IKZF2: variants seen among roughly 807,000 people sequenced by gnomAD.
IKZF2 encodes the protein zinc finger protein Helios.
A neutral mutation model predicts 49.2 loss-of-function variants in IKZF2; 15 were observed. The ratio of observed to expected loss-of-function variants is 0.30; its 90% CI spans 0.20 to 0.47. The LOEUF (loss-of-function observed/expected upper bound fraction) is 0.47, where lower values mean the gene tolerates loss of function less well. Among genes scored for constraint, IKZF2 ranks in the 20% least tolerant of loss-of-function variants. The pLI, the probability that IKZF2 is intolerant of heterozygous loss-of-function variation, is 1.00. For synonymous variants in IKZF2, 227 were observed against 221.4 expected (o/e 1.03, Z -0.23); for missense variants, 567 against 664.6 (o/e 0.85, Z 1.61).
At chr2:213,066,860 G>C (rs1023820219) in intron 4 of IKZF2, among the ~76,000 whole-genome samples, 1 of 152,080 alleles carries the variant, frequency 6.6e-6, no homozygotes, top group Non-Finnish European at 1.5e-5. Flanking sequence ...GGAAATACCA[G>C]ATTATAACAT....
intron 4 of IKZF2, among the ~76,000 whole-genome samples, chr2:213,098,285 C>T (rs1706251627): frequency 6.6e-6 from 1 of 152,096 alleles, no homozygotes; most frequent in Non-Finnish European, 1.5e-5. Context: ...AGTAGAGCAA[C>T]TCGCAAAATG....
chr2:213,085,148 T>C (rs893339495), intron 4 of IKZF2, among the ~76,000 whole-genome samples: 3 of 152,232 alleles, frequency 2.0e-5, no homozygotes, highest in Admixed American at 2.0e-4. Context: ...TCTTTCTCTT[T>C]TAAAACACTT....
intron 4 of IKZF2, among the ~76,000 whole-genome samples, chr2:213,081,747 T>C (rs1703977752): frequency 6.6e-6 from 1 of 152,054 alleles, no homozygotes; most frequent in African/African-American, 2.4e-5. Context: ...GGCAAGAAAC[T>C]CAAGACCCTG....
intron 4 of IKZF2, among the ~76,000 whole-genome samples, chr2:213,106,892 A>G (rs1181840968): frequency 6.6e-6 from 1 of 152,154 alleles, no homozygotes; most frequent in Non-Finnish European, 1.5e-5. Flanking sequence ...TATCTCTCCA[A>G]TTCAGAGCAA....
intron 4 of IKZF2, among the ~76,000 whole-genome samples, chr2:213,083,679 AG>A (rs1704242462): frequency 6.6e-6 from 1 of 150,788 alleles, no homozygotes; most frequent in Non-Finnish European, 1.5e-5. Flanking sequence ...TAGGATTACA[AG>A]TGTGAAGCAC....
chr2:213,113,525 G>A (rs965547463), intron 4 of IKZF2, among the ~76,000 whole-genome samples: 2 of 152,072 alleles, frequency 1.3e-5, no homozygotes, highest in Admixed American at 6.6e-5. Context: ...AAAACAAATG[G>A]TATTAAAACC....
At chr2:213,142,899 A>T (rs1213156180) in intron 4 of IKZF2, among the ~76,000 whole-genome samples, 1 of 151,970 alleles carries the variant, frequency 6.6e-6, no homozygotes, top group East Asian at 1.9e-4. Context: ...GGTGATTATA[A>T]CATTTATAAT....
At chr2:213,096,584 A>C (rs1706025248) in intron 4 of IKZF2, among the ~76,000 whole-genome samples, 1 of 151,994 alleles carries the variant, frequency 6.6e-6, no homozygotes, top group Non-Finnish European at 1.5e-5. Flanking sequence ...TATATACTTC[A>C]GCTTATGGAA....
intron 4 of IKZF2, among the ~76,000 whole-genome samples, chr2:213,135,977 G>A (rs2060644815): frequency 6.6e-6 from 1 of 150,908 alleles, no homozygotes; most frequent in Non-Finnish European, 1.5e-5. Context: ...TTGAACCCAG[G>A]AGGCGGAGGT....
rs933790554 is a variant in IKZF2 at position 213,021,904 on chromosome 2, T to C, written c.712+89A>G. On this transcript the variant is annotated intron_variant, in intron 7 of 8. Transcript: ENST00000434687. ...TCATTTAAGTTAAAGTGATCTAAAA[T>C]AGTTTTAAACAGCATAAGATTTTAT... 30 of 1,347,158 alleles carry C rather than the reference T, an allele frequency of 2.2e-5. No individual in the cohort carries two copies. The African/African-American group carries it at 3.7e-4, about 17-fold the overall frequency. 83.5% of individuals were successfully genotyped at this position (1,347,158 alleles called of 1,614,324 possible). A position where few individuals can be genotyped will look rare whatever the true frequency, so the allele number is the denominator to read the frequency against.
chr2:213,147,590 C>A (rs766160626), intron 4 of IKZF2, 118 bp downstream of exon 4: 83 of 803,000 alleles, frequency 1.0e-4, no homozygotes, highest in Non-Finnish European at 1.6e-4. Context: ...CTTTCTTTAG[C>A]AAAATCTATA....
intron 6 of IKZF2, among the ~76,000 whole-genome samples, chr2:213,048,664 G>A (rs1352077197): frequency 1.3e-5 from 2 of 152,024 alleles, no homozygotes; most frequent in African/African-American, 4.8e-5. Flanking sequence ...TTGTTTTCGT[G>A]TTTGCATTAA....
chr2:213,012,738 G>A (rs957829476), intron 8 of IKZF2, among the ~76,000 whole-genome samples: 1 of 151,914 alleles, frequency 6.6e-6, no homozygotes, highest in Non-Finnish European at 1.5e-5. Flanking sequence ...CCTTCTTTAA[G>A]TGTTTATTGA....
At position 213,020,368 on chromosome 2, in the gene IKZF2, G is replaced by A. The variant is rs555668215; in HGVS notation, c.712+1625C>T. On this transcript the variant is annotated intron_variant, in intron 7 of 8. Transcript: ENST00000434687. ...AACAGTAAAGCAAACCATTTATTGG[G>A]CATTTATTACATATCCAGTCACATT... is the stretch of plus-strand genomic sequence containing the variant. Among the ~76,000 whole-genome samples, 3 of 151,900 alleles carry A rather than the reference G, an allele frequency of 2.0e-5. No individual in the cohort carries two copies. In the East Asian group the frequency reaches 5.8e-4, roughly 29 times the overall value.
Position 213,007,264 on chromosome 2 carries a change from G to T in IKZF2, c.*96C>A. 1 of 1,296,168 alleles carries T rather than the reference G, an allele frequency of 7.7e-7. No individual in the cohort carries two copies. 80.3% of individuals were successfully genotyped at this position (1,296,168 alleles called of 1,614,324 possible). On this transcript the variant is annotated 3_prime_UTR_variant, in exon 9 of 9. Transcript: ENST00000434687. ...GTAATAATATTAAAAAAAATAAAAG[G>T]TATGTCAACATTTGAGGAAAGGTGG...
At chr2:213,034,832 A>G (rs1385280762) in intron 6 of IKZF2, among the ~76,000 whole-genome samples, 2 of 152,218 alleles carry the variant, frequency 1.3e-5, no homozygotes, top group Admixed American at 6.5e-5. Flanking sequence ...GGTTACCACA[A>G]ACTTTCAATT....
At chr2:213,015,827 TAA>T (rs1189433668) in intron 7 of IKZF2, among the ~76,000 whole-genome samples, 2 of 152,092 alleles carry the variant, frequency 1.3e-5, no homozygotes, top group South Asian at 2.1e-4. Flanking sequence ...CAAAACTGGT[TAA>T]CGGGTTTGCC....
intron 8 of IKZF2, 49 bp from the exon 9 acceptor site, chr2:213,008,133 AC>A (rs1695553925): frequency 1.4e-6 from 2 of 1,433,260 alleles, no homozygotes; most frequent in Non-Finnish European, 9.2e-7. Flanking sequence ...AAAAAATACA[AC>A]AACATTAGTA....
chr2:213,077,930 T>C (rs998918404), intron 4 of IKZF2, among the ~76,000 whole-genome samples: 1 of 152,256 alleles, frequency 6.6e-6, no homozygotes, highest in Non-Finnish European at 1.5e-5. Context: ...TACATTAGTT[T>C]GGAAGATAAA....
Sources: gnomAD v4.1 joint callset for allele counts (sites outside exome capture counted in the v4.1 genomes callset) on GRCh38, gnomAD v4.1.1 for gene constraint, MANE v1.5 for transcripts, NCBI Gene and HGNC (gene_info 2026-07-23, HGNC 2026-07-21) for gene names.